MAST2: variants seen among roughly 807,000 people sequenced by gnomAD.
The protein encoded by MAST2 is microtubule-associated serine/threonine-protein kinase 2.
A neutral mutation model predicts 147.4 loss-of-function variants in MAST2; 70 were observed. The observed-to-expected ratio is 0.47, with a 90% CI of 0.39 to 0.58. The LOEUF (loss-of-function observed/expected upper bound fraction) is 0.58. Among genes scored for constraint, MAST2 ranks in the 20% least tolerant of loss-of-function variants. MAST2 has a pLI of 0.00. For synonymous variants in MAST2, 869 were observed against 896.8 expected (o/e 0.97, Z 0.55); for missense variants, 2,080 against 2,302.3 (o/e 0.90, Z 1.98).
chr1:45,967,491 A>T (rs1328708553), intron 5 of MAST2, among the ~76,000 whole-genome samples: 1 of 152,250 alleles, frequency 6.6e-6, no homozygotes, highest in Admixed American at 6.5e-5. Flanking sequence ...TATATACGAT[A>T]CTCATAACAA....
chr1:46,024,069 G>C, intron 15 of MAST2, 89 bp downstream of exon 15: 1 of 1,266,160 alleles, frequency 7.9e-7, no homozygotes, highest in Non-Finnish European at 1.1e-6. Context: ...GTACAGAGGT[G>C]AAGTTTCAGG....
chr1:45,904,469 C>T (rs375668542), intron 4 of MAST2, among the ~76,000 whole-genome samples: 10 of 151,880 alleles, frequency 6.6e-5, no homozygotes, highest in South Asian at 4.2e-4. Flanking sequence ...CCACCGTGTC[C>T]GGCCTTAAAT....
At chr1:45,936,235 T>C (rs9803784) in intron 4 of MAST2, among the ~76,000 whole-genome samples, 51,566 of 152,020 alleles carry the variant, frequency 0.34, 9,128 homozygotes, top group African/African-American at 0.43. Flanking sequence ...GATTTTTGTA[T>C]GTTGATTTTG....
At chr1:45,936,656 C>A (rs886404110) in intron 4 of MAST2, among the ~76,000 whole-genome samples, 13 of 152,102 alleles carry the variant, frequency 8.5e-5, no homozygotes, top group Non-Finnish European at 1.3e-4. Flanking sequence ...GTCTCCAATA[C>A]CCCATGAAAG....
chr1:45,881,532 G>C (rs1646844075), intron 3 of MAST2, among the ~76,000 whole-genome samples: 1 of 152,186 alleles, frequency 6.6e-6, no homozygotes, highest in African/African-American at 2.4e-5. Context: ...TGATACACTT[G>C]GAAAGCAAGT....
intron 3 of MAST2, among the ~76,000 whole-genome samples, chr1:45,875,130 A>G (rs1646547834): frequency 6.6e-6 from 1 of 152,196 alleles, no homozygotes; most frequent in African/African-American, 2.4e-5. Flanking sequence ...CAGAATTATA[A>G]GAGAGAAAGG....
intron 3 of MAST2, among the ~76,000 whole-genome samples, chr1:45,854,975 C>G (rs1258489873): frequency 2.0e-5 from 3 of 152,146 alleles, no homozygotes; most frequent in Non-Finnish European, 2.9e-5. Context: ...GGAGCTTCAC[C>G]CGCTCTGGGC....
intron 4 of MAST2, chr1:45,913,921 G>GAA: frequency 8.6e-7 from 1 of 1,163,836 alleles, no homozygotes; most frequent in Non-Finnish European, 1.1e-6. Flanking sequence ...CAGATGTCAG[G>GAA]AAAAAAAACT....
At chr1:46,009,981 C>T (rs527766009) in intron 9 of MAST2, among the ~76,000 whole-genome samples, 1 of 152,274 alleles carries the variant, frequency 6.6e-6, no homozygotes, top group East Asian at 1.9e-4. Context: ...AGTTAGGTCC[C>T]TAAGAGGTTT....
intron 3 of MAST2, among the ~76,000 whole-genome samples, chr1:45,857,068 A>T (rs1645813519): frequency 6.6e-6 from 1 of 151,934 alleles, no homozygotes; most frequent in East Asian, 1.9e-4. Flanking sequence ...TCTTCATTGC[A>T]TTTATTATCT....
intron 5 of MAST2, 70 bp downstream of exon 5, chr1:45,959,547 C>T (rs1660110188): frequency 5.4e-6 from 7 of 1,301,110 alleles, no homozygotes; most frequent in Non-Finnish European, 6.6e-6. Flanking sequence ...TTTCCTACTT[C>T]TCATGTTGTG....
chr1:45,948,648 A>C (rs1043937473), intron 4 of MAST2, among the ~76,000 whole-genome samples: 5 of 123,020 alleles, frequency 4.1e-5, no homozygotes, highest in African/African-American at 1.5e-4. Context: ...TGAAGATTGG[A>C]GTGGACTGAG....
intron 3 of MAST2, among the ~76,000 whole-genome samples, chr1:45,841,445 A>C (rs1268554860): frequency 1.3e-5 from 2 of 151,846 alleles, no homozygotes; most frequent in Non-Finnish European, 2.9e-5. Flanking sequence ...ATATACATAT[A>C]TATATTTCTT....
At chr1:46,008,990 G>A (rs1216219711) in intron 9 of MAST2, among the ~76,000 whole-genome samples, 1 of 152,178 alleles carries the variant, frequency 6.6e-6, no homozygotes, top group Non-Finnish European at 1.5e-5. Flanking sequence ...AGTAGCATTC[G>A]TAACTCTGCT....
At chr1:45,812,425 CTTT>C (rs35095652) in intron 1 of MAST2, among the ~76,000 whole-genome samples, 22 of 121,648 alleles carry the variant, frequency 1.8e-4, no homozygotes, top group Admixed American at 3.5e-4. Flanking sequence ...ATCTGTAAGC[CTTT>C]TTTTTTTTTT....
chr1:46,022,065 C>T lies in MAST2; in HGVS notation c.1406C>T (p.Thr469Ile). ...TACATCGTTAGCCAGCTGGGCCTCA[C>T]CCGGGATCCCCTAGAAGGTGAGCAT... ...PRYIVSQLGLTRDPLEEMAQL... is the reference protein window; with the variant it reads ...PRYIVSQLGLIRDPLEEMAQL... The change falls in exon 12 of 29, where the codon ACC (threonine) becomes ATC (isoleucine). Residue 469 changes from threonine to isoleucine, a missense_variant. This residue lies in a region of MAST2 where 569 missense variants were observed against 642.5 expected (regional missense o/e 0.89). Transcript: ENST00000361297. The T allele has an allele frequency of 6.8e-6, 11 of 1,614,102 alleles. No homozygotes were observed. The highest frequency in any genetic ancestry group is 9.3e-6 in the Non-Finnish European group (11 of 1,179,994).
intron 16 of MAST2, among the ~76,000 whole-genome samples, chr1:46,026,717 G>A (rs906752191): frequency 4.6e-5 from 7 of 152,128 alleles, no homozygotes; most frequent in Non-Finnish European, 7.4e-5. Flanking sequence ...GGTAGGAAGG[G>A]AAGTGAGGGA....
rs1406857637 is a variant in MAST2, at chr1:45,955,938, T to C, written c.501-3448T>C. ...GGTATGATTGGAATATAATAGATTG[T>C]ATGACTGTGATAATGAACATGAAGA... On this transcript the variant is annotated intron_variant, in intron 4 of 28. Coordinates refer to ENST00000361297, the MANE Select transcript of MAST2 (RefSeq NM_015112.3). 2.0e-5 allele frequency among the ~76,000 whole-genome samples: 3 copies of C among 152,228 alleles called. No homozygotes were observed. The East Asian group carries it at 5.8e-4, about 29-fold the overall frequency.
At chr1:45,844,473 G>A (rs756783895) in intron 3 of MAST2, among the ~76,000 whole-genome samples, 6 of 151,902 alleles carry the variant, frequency 3.9e-5, no homozygotes, top group Non-Finnish European at 5.9e-5. Flanking sequence ...TAGTAGAGAT[G>A]GTGTTTCACC....
Sources: gnomAD v4.1 joint callset for allele counts (sites outside exome capture counted in the v4.1 genomes callset) on GRCh38, gnomAD v4.1.1 for gene constraint, gnomAD v4.1.1 regional missense constraint, MANE v1.5 for transcripts, NCBI Gene and HGNC (gene_info 2026-07-23, HGNC 2026-07-21) for gene names.